NAV2: variants seen among roughly 807,000 people sequenced by gnomAD.
NAV2 encodes neuron navigator 2, also known as helicase, APC down-regulated 1.
In NAV2, 54 loss-of-function variants were observed where a neutral mutation model predicts 223.2. The observed-to-expected ratio is 0.24, with a 90% CI of 0.19 to 0.30. The LOEUF is 0.30. Ranked by LOEUF, NAV2 falls within the 10% of genes least tolerant of loss-of-function variation. The pLI is 1.00. For missense variants in NAV2, 2,806 were observed against 3,147.5 expected, an observed-to-expected ratio of 0.89 and a Z score of 2.60; for synonymous variants, 1,279 against 1,239.3, an observed-to-expected ratio of 1.03 and a Z score of -0.67.
At chr11:19,698,819 A>T (rs908913600) in intron 1 of NAV2, among the ~76,000 whole-genome samples, 11 of 151,908 alleles carry the variant, frequency 7.2e-5, no homozygotes, top group African/African-American at 2.2e-4. Flanking sequence ...TGTGCATGTG[A>T]GAGAGAGAGA....
At chr11:20,063,455 C>G (rs887465385) in intron 20 of NAV2, among the ~76,000 whole-genome samples, 5 of 152,178 alleles carry the variant, frequency 3.3e-5, no homozygotes, top group Non-Finnish European at 7.3e-5. Context: ...TCACTGCAAC[C>G]TCTGCCTCCT....
upstream of NAV2, among the ~76,000 whole-genome samples, chr11:19,347,664 C>T (rs575771200): frequency 1.5e-4 from 23 of 152,316 alleles, no homozygotes; most frequent in African/African-American, 5.5e-4. Context: ...TCTCCTTTCC[C>T]TTGCAGCCGC....
chr11:19,538,076 C>A (rs1440446185), intron 1 of NAV2, among the ~76,000 whole-genome samples: 1 of 152,232 alleles, frequency 6.6e-6, no homozygotes, highest in Non-Finnish European at 1.5e-5. Context: ...TGCTCTGCAG[C>A]ATGTCTGATA....
chr11:19,559,967 T>C (rs2045041034), intron 1 of NAV2, among the ~76,000 whole-genome samples: 1 of 152,216 alleles, frequency 6.6e-6, no homozygotes, highest in African/African-American at 2.4e-5. Context: ...TTTCTCTAGC[T>C]GAGTCTGCCT....
At chr11:19,827,758 G>A (rs142168800) in intron 1 of NAV2, among the ~76,000 whole-genome samples, 119 of 152,268 alleles carry the variant, frequency 7.8e-4, no homozygotes, top group African/African-American at 2.8e-3. Flanking sequence ...AAACAGGCAT[G>A]CTTAATTAGC....
chr11:19,397,396 A>AGTGTGTGT (rs1554919830), intron 1 of NAV2, among the ~76,000 whole-genome samples: 27,045 of 143,786 alleles, frequency 0.19, 2,971 homozygotes, highest in South Asian at 0.35. Context: ...TTCTCTGGGG[A>AGTGTGTGT]GTGTGTGTGT....
intron 1 of NAV2, chr11:19,506,998 T>TA (rs1471138135): frequency 6.6e-6 from 1 of 152,194 alleles, no homozygotes; most frequent in African/African-American, 2.4e-5. Flanking sequence ...GCCTTACACT[T>TA]ACACGTTGCC....
chr11:20,029,664 G>A (rs2055506853), intron 11 of NAV2, among the ~76,000 whole-genome samples: 1 of 152,184 alleles, frequency 6.6e-6, no homozygotes, highest in African/African-American at 2.4e-5. Context: ...CAGGGGCAGT[G>A]GCTCAATGGA....
intron 1 of NAV2, among the ~76,000 whole-genome samples, chr11:19,604,023 G>C (rs1157178807): frequency 2.0e-5 from 3 of 152,154 alleles, no homozygotes; most frequent in Non-Finnish European, 1.5e-5. Flanking sequence ...GCGTGTGGCT[G>C]GGGGAGAGGG....
At chr11:20,049,304 C>G in intron 15 of NAV2, 109 bp downstream of exon 15, 1 of 851,200 alleles carries the variant, frequency 1.2e-6, no homozygotes. Context: ...TAAGATTTCT[C>G]TCTTTCTAAT....
At chr11:20,028,792 G>A (rs1271207180) in intron 11 of NAV2, among the ~76,000 whole-genome samples, 4 of 152,136 alleles carry the variant, frequency 2.6e-5, no homozygotes, top group African/African-American at 9.7e-5. Context: ...GTGGCTTTAA[G>A]TATTAGGCAA....
chr11:19,631,004 GTGTTT>G (rs1227231235), intron 1 of NAV2, among the ~76,000 whole-genome samples: 3 of 148,726 alleles, frequency 2.0e-5, no homozygotes, highest in African/African-American at 4.9e-5. Flanking sequence ...TTTAAAAGCA[GTGTTT>G]TGTTTTGTTT....
intron 1 of NAV2, among the ~76,000 whole-genome samples, chr11:19,557,831 A>C (rs1220720773): frequency 6.6e-6 from 1 of 152,230 alleles, no homozygotes; most frequent in Non-Finnish European, 1.5e-5. Context: ...GGATGTGTCC[A>C]AACGGAAGGC....
intron 1 of NAV2, among the ~76,000 whole-genome samples, chr11:19,748,260 A>C (rs1411167828): frequency 6.6e-6 from 1 of 152,180 alleles, no homozygotes; most frequent in Non-Finnish European, 1.5e-5. Flanking sequence ...AGACCTGTTT[A>C]CCCACATTTT....
chr11:19,921,763 T>A (rs1280910640), intron 6 of NAV2, among the ~76,000 whole-genome samples: 3 of 152,244 alleles, frequency 2.0e-5, no homozygotes, highest in Non-Finnish European at 2.9e-5. Context: ...TCAGTTGTCC[T>A]CACTGGTAAA....
intron 10 of NAV2, among the ~76,000 whole-genome samples, chr11:19,954,867 A>G (rs12361119): frequency 1.5e-5 from 1 of 65,034 alleles, no homozygotes; most frequent in African/African-American, 5.9e-5. Flanking sequence ...GTGTGTGTGT[A>G]TATGCATGTG....
At chr11:19,478,078 C>T (rs559304506) in intron 1 of NAV2, among the ~76,000 whole-genome samples, 97 of 152,244 alleles carry the variant, frequency 6.4e-4, no homozygotes, top group African/African-American at 2.0e-3. Context: ...AGCCCTTATA[C>T]GGGTAATAAG....
At chr11:19,364,493 G>A (rs16936605) in intron 1 of NAV2, among the ~76,000 whole-genome samples, 2,449 of 152,280 alleles carry the variant, frequency 0.016, 68 homozygotes, top group African/African-American at 0.055. Flanking sequence ...AAAGCAGCCA[G>A]TGTCACCCCC....
chr11:19,483,049 G>T (rs1476545568), intron 1 of NAV2, among the ~76,000 whole-genome samples: 3 of 152,114 alleles, frequency 2.0e-5, no homozygotes, highest in Non-Finnish European at 4.4e-5. Flanking sequence ...CATTTATTGA[G>T]CCAAGCTTGC....
Sources: gnomAD v4.1 joint callset for allele counts (sites outside exome capture counted in the v4.1 genomes callset) on GRCh38, gnomAD v4.1.1 for gene constraint, MANE v1.5 for transcripts, NCBI Gene and HGNC (gene_info 2026-07-23, HGNC 2026-07-21) for gene names.